Variants in CFAP54 observed in about 807,000 individuals in gnomAD.
CFAP54 encodes the protein cilia- and flagella-associated protein 54.
Under a neutral mutation model 370.4 loss-of-function variants are expected in CFAP54, and 290 were observed. The observed-to-expected ratio is 0.78, with a 90% confidence interval of 0.71 to 0.86. CFAP54 has a LOEUF of 0.86. Among genes scored for constraint, CFAP54 ranks in the 40% least tolerant of loss-of-function variants. CFAP54 has a pLI of 0.00. For synonymous variants in CFAP54, 1,206 were observed against 1,236.5 expected (o/e 0.98, Z 0.52); for missense variants, 3,399 against 3,528.7 (o/e 0.96, Z 0.93).
intron 50 of CFAP54, among the ~76,000 whole-genome samples, chr12:96,736,142 G>A (rs1458378835): frequency 6.6e-6 from 1 of 152,164 alleles, no homozygotes; most frequent in Non-Finnish European, 1.5e-5. Context: ...CAAAGCTGGG[G>A]AAGGCAGAGG....
chr12:96,551,485 ATGTGTGTGTGTGTGTGTG>A (rs10582056), intron 15 of CFAP54, among the ~76,000 whole-genome samples: 6 of 143,774 alleles, frequency 4.2e-5, no homozygotes, highest in Admixed American at 4.2e-4. Flanking sequence ...TTGAATGGGT[ATGTGTGTGTGTGTGTGTG>A]TGTGTGTGTG....
intron 46 of CFAP54, among the ~76,000 whole-genome samples, chr12:96,702,408 G>A (rs1187993009): frequency 6.6e-6 from 1 of 152,064 alleles, no homozygotes; most frequent in Non-Finnish European, 1.5e-5. Context: ...ATTCAGCTGG[G>A]GATGAGGCAG....
At chr12:96,857,259 A>G (rs771256331) in intron 66 of CFAP54, among the ~76,000 whole-genome samples, 5 of 152,152 alleles carry the variant, frequency 3.3e-5, no homozygotes, top group Non-Finnish European at 5.9e-5. Context: ...CTAGTACCCA[A>G]TAGTTATCTT....
Position 96,743,718 on chromosome 12 carries a change from T to C in CFAP54, c.7378-13T>C. Reference sequence around the variant, plus strand: ...AAACAGTACTATCAAAATGAATAATTTTATTTTAATAGGATATAATACATT... The same window carrying C: ...AAACAGTACTATCAAAATGAATAATCTTATTTTAATAGGATATAATACATT... On this transcript the variant is annotated splice_polypyrimidine_tract_variant and intron_variant, in intron 53 of 67. Coordinates refer to ENST00000524981, the MANE Select transcript of CFAP54 (RefSeq NM_001306084.2). 3.2e-6 allele frequency: 5 copies of C among 1,576,530 alleles called. No individual in the cohort carries two copies. Among genetic ancestry groups the C allele is most frequent in the Non-Finnish European group, 4.3e-6 (5 of 1,162,394 alleles).
At chr12:96,637,064 C>A (rs1272322908) in intron 32 of CFAP54, among the ~76,000 whole-genome samples, 1 of 152,150 alleles carries the variant, frequency 6.6e-6, no homozygotes, top group East Asian at 1.9e-4. Flanking sequence ...CAACTCCTTT[C>A]CCTCAGCTTG....
intron 60 of CFAP54, among the ~76,000 whole-genome samples, chr12:96,773,514 T>C (rs10777815): frequency 0.39 from 58,861 of 152,110 alleles, 12,186 homozygotes; most frequent in South Asian, 0.54. Flanking sequence ...TAGAAAAGCA[T>C]ATTTGGAGTT....
rs1276866819 is a variant in CFAP54 at position 96,554,729 on chromosome 12, C to G, written c.2337C>G (p.Phe779Leu). ...ACAAACCACTTGCCTCAAATAGTTT[C>G]ATGATGGATTTGCATCTTGAACTAA... Reference protein sequence around the residue: ...DTYKPLASNSFMMDLHLELIQ... With the variant: ...DTYKPLASNSLMMDLHLELIQ... The change falls in exon 17 of 68, where the codon TTC (phenylalanine) becomes TTG (leucine). Residue 779 changes from phenylalanine (F) to leucine (L), a missense_variant. Phe to Leu is a conservative substitution (Grantham distance 22, BLOSUM62 0). Transcript: ENST00000524981. 1 of 1,535,068 alleles carries G rather than the reference C, an allele frequency of 6.5e-7. No homozygotes were observed. Among genetic ancestry groups the G allele is most frequent in the Non-Finnish European group, 8.7e-7 (1 of 1,146,192 alleles).
In CFAP54 at chr12:96,839,275, G is replaced by A. The variant is rs1424491325; in HGVS notation, c.9171+10187G>A. Among the ~76,000 whole-genome samples the A allele has an allele frequency of 2.6e-5, 4 of 152,282 alleles. No individual in the cohort carries two copies. The East Asian group carries it at 7.7e-4, about 29-fold the overall frequency. The stretch of plus-strand genomic sequence containing the variant: ...TACAAGGTCATTGTGTGGATTAAAT[G>A]AGTTAATCCATGTAAAACTCTTAGA... On this transcript the variant is annotated intron_variant, in intron 66 of 67. Coordinates refer to ENST00000524981, the MANE Select transcript of CFAP54 (RefSeq NM_001306084.2).
chr12:96,741,203 A>G (rs1309326333), intron 51 of CFAP54, among the ~76,000 whole-genome samples: 1 of 151,782 alleles, frequency 6.6e-6, no homozygotes, highest in Non-Finnish European at 1.5e-5. Context: ...GTCTCGCTCT[A>G]TCGCCCAACC....
intron 60 of CFAP54, among the ~76,000 whole-genome samples, chr12:96,778,485 C>T (rs1374559809): frequency 6.6e-6 from 1 of 152,204 alleles, no homozygotes; most frequent in African/African-American, 2.4e-5. Flanking sequence ...GTGCACAGCT[C>T]ACCATCAAGA....
intron 9 of CFAP54, among the ~76,000 whole-genome samples, chr12:96,529,951 A>T (rs1296494645): frequency 6.6e-6 from 1 of 152,078 alleles, no homozygotes; most frequent in Non-Finnish European, 1.5e-5. Context: ...CATAAGTTTT[A>T]TTGTTTCTTC....
intron 39 of CFAP54, among the ~76,000 whole-genome samples, chr12:96,669,806 G>A (rs1957123681): frequency 6.6e-6 from 1 of 152,214 alleles, no homozygotes; most frequent in Non-Finnish European, 1.5e-5. Context: ...GGAGAGAGCA[G>A]ATTGGAGATT....
intron 48 of CFAP54, among the ~76,000 whole-genome samples, chr12:96,717,372 T>G (rs1957695563): frequency 6.6e-6 from 1 of 152,164 alleles, no homozygotes; most frequent in South Asian, 2.1e-4. Flanking sequence ...CCTCATAATT[T>G]AGGAGACTAG....
chr12:96,725,610 G>A (rs149151175), intron 50 of CFAP54, among the ~76,000 whole-genome samples: 1,634 of 152,330 alleles, frequency 0.011, 21 homozygotes, highest in African/African-American at 0.036. Context: ...ATACAATCAT[G>A]TCATCTGCAA....
chr12:96,776,867 A>T (rs1407857771), intron 60 of CFAP54, among the ~76,000 whole-genome samples: 1 of 152,260 alleles, frequency 6.6e-6, no homozygotes, highest in African/African-American at 2.4e-5. Flanking sequence ...AAACATGTAT[A>T]CATTTTATTG....
intron 23 of CFAP54, among the ~76,000 whole-genome samples, chr12:96,590,144 A>G (rs924626985): frequency 7.2e-5 from 11 of 152,242 alleles, no homozygotes; most frequent in African/African-American, 2.4e-4. Flanking sequence ...AATATCAGTT[A>G]TATCGTAAAA....
chr12:96,868,430 C>CTTTTTTTTTTTTTTTTTTTT (rs35020483), intron 67 of CFAP54, among the ~76,000 whole-genome samples: 1 of 138,198 alleles, frequency 7.2e-6, no homozygotes, highest in Non-Finnish European at 1.5e-5. Context: ...GTATGTTCAT[C>CTTTTTTTTTTTTTTTTTTTT]TTTTTTTTTT....
chr12:96,649,006 T>A (rs1956829791), intron 34 of CFAP54, among the ~76,000 whole-genome samples: 1 of 152,198 alleles, frequency 6.6e-6, no homozygotes, highest in African/African-American at 2.4e-5. Context: ...ACCAATGATA[T>A]GGTTCATTTC....
intron 40 of CFAP54, among the ~76,000 whole-genome samples, chr12:96,680,314 C>G (rs1339028487): frequency 2.0e-5 from 3 of 152,102 alleles, no homozygotes; most frequent in Non-Finnish European, 2.9e-5. Flanking sequence ...CTTGTGAATT[C>G]AAGCAAAGCT....
Sources: gnomAD v4.1 joint callset for allele counts (sites outside exome capture counted in the v4.1 genomes callset) on GRCh38, gnomAD v4.1.1 for gene constraint, MANE v1.5 for transcripts, NCBI Gene and HGNC (gene_info 2026-07-23, HGNC 2026-07-21) for gene names.